The following MYO3B variants were observed in gnomAD, a reference collection of about 807,000 sequenced individuals.
The protein encoded by MYO3B is myosin IIIB, also known as myosin-IIIb.
In MYO3B, 156 loss-of-function variants were observed where a neutral mutation model predicts 174.6. That is an observed-to-expected ratio of 0.89 (90% CI 0.78 to 1.02). The LOEUF (loss-of-function observed/expected upper bound fraction) is 1.02. MYO3B is among the 50% of genes least tolerant of loss of function. MYO3B has a pLI of 0.00. For missense variants in MYO3B, 1,632 were observed against 1,639.4 expected, an observed-to-expected ratio of 1.00 and a Z score of 0.08; for synonymous variants, 563 against 569.1, an observed-to-expected ratio of 0.99 and a Z score of 0.15.
chr2:170,531,367 T>A (rs1689343093), intron 30 of MYO3B, among the ~76,000 whole-genome samples: 1 of 152,218 alleles, frequency 6.6e-6, no homozygotes, highest in Non-Finnish European at 1.5e-5. Flanking sequence ...GATTGTCTTG[T>A]GGTTGACAAC....
In MYO3B at chr2:170,392,483, G is replaced by C. The variant is rs754130952; in HGVS notation, c.1779G>C (p.Gly593=). 1.3e-5 allele frequency: 21 copies of C among 1,556,248 alleles called. No individual in the cohort carries two copies. The African/African-American group carries it at 2.7e-4, about 20-fold the overall frequency. The part of the protein sequence containing the change: ...EAIQHCFRII[G]FTDKEVHSVY... ...TTCAGCATTGCTTCAGGATTATAGG[G>C]TTCACGGACAAAGTAAGTGATGATC... Residue 593 remains glycine (G), a synonymous_variant, in exon 16 of 35, where the codon GGG becomes GGC. Transcript: ENST00000408978.
In MYO3B at chr2:170,592,022, A is replaced by T. The variant is rs1321177387; in HGVS notation, c.3733+48034A>T. ...CATTATCTTATTCAATTCCCACAAT[A>T]ATTCTGTTGAAGTTGATTTTTTAAT... is the stretch of plus-strand genomic sequence containing the variant. On this transcript the variant is annotated intron_variant, in intron 32 of 34. Coordinates refer to ENST00000408978, the MANE Select transcript of MYO3B (RefSeq NM_138995.5). Among the ~76,000 whole-genome samples, 7 of 152,198 alleles carry T rather than the reference A, an allele frequency of 4.6e-5. No homozygotes were observed. The South Asian group carries it at 1.4e-3, about 31-fold the overall frequency.
chr2:170,317,778 G>A (rs1316408579), intron 7 of MYO3B, among the ~76,000 whole-genome samples: 5 of 152,148 alleles, frequency 3.3e-5, no homozygotes, highest in African/African-American at 9.7e-5. Flanking sequence ...TAAAAAGGAG[G>A]TTCCATGATC....
chr2:170,400,359 G>A, intron 17 of MYO3B, 45 bp downstream of exon 17: 5 of 1,598,834 alleles, frequency 3.1e-6, no homozygotes, highest in Non-Finnish European at 4.3e-6. Flanking sequence ...CAAAGCACGT[G>A]CTTCTTTAGG....
intron 32 of MYO3B, among the ~76,000 whole-genome samples, chr2:170,568,837 GCT>G: frequency 6.6e-6 from 1 of 152,286 alleles, no homozygotes; most frequent in East Asian, 1.9e-4. Flanking sequence ...TGATACTAGG[GCT>G]GACAAAGTCA....
intron 8 of MYO3B, among the ~76,000 whole-genome samples, chr2:170,342,780 C>G (rs2093985979): frequency 6.6e-6 from 1 of 151,932 alleles, no homozygotes; most frequent in African/African-American, 2.4e-5. Flanking sequence ...CCAAGAGTCC[C>G]AAGACCACAG....
intron 32 of MYO3B, chr2:170,648,057 C>T (rs1051769522): frequency 2.6e-5 from 4 of 152,204 alleles, no homozygotes; most frequent in African/African-American, 9.7e-5. Context: ...GGACACTTCT[C>T]TTCATTGATC....
At chr2:170,613,558 G>T (rs1456779628) in intron 32 of MYO3B, among the ~76,000 whole-genome samples, 1 of 152,198 alleles carries the variant, frequency 6.6e-6, no homozygotes, top group Non-Finnish European at 1.5e-5. Context: ...CCAAGTCCGA[G>T]TCCTGTGATG....
chr2:170,201,496 A>T (rs1348574513), intron 3 of MYO3B, among the ~76,000 whole-genome samples: 2 of 152,226 alleles, frequency 1.3e-5, no homozygotes, highest in African/African-American at 4.8e-5. Context: ...GACAATAAGT[A>T]CTGGCTGCCA....
intron 1 of MYO3B, among the ~76,000 whole-genome samples, chr2:170,180,775 C>T (rs553965511): frequency 3.9e-5 from 6 of 152,160 alleles, no homozygotes; most frequent in African/African-American, 9.6e-5. Flanking sequence ...TAAGGATATA[C>T]ACATACATAG....
intron 22 of MYO3B, among the ~76,000 whole-genome samples, chr2:170,418,519 C>T (rs539435651): frequency 2.0e-5 from 3 of 152,216 alleles, no homozygotes; most frequent in African/African-American, 7.2e-5. Flanking sequence ...TTCATAAAAG[C>T]TCTAGCACCT....
chr2:170,338,647 G>C (rs761184877), intron 8 of MYO3B, among the ~76,000 whole-genome samples: 3 of 152,076 alleles, frequency 2.0e-5, no homozygotes, highest in Non-Finnish European at 4.4e-5. Flanking sequence ...GTGTTGCCCA[G>C]GCTGGAGTAC....
intron 32 of MYO3B, among the ~76,000 whole-genome samples, chr2:170,584,244 G>A (rs1045415509): frequency 6.6e-6 from 1 of 152,168 alleles, no homozygotes; most frequent in Non-Finnish European, 1.5e-5. Context: ...CTTGGAAAAA[G>A]TTATGAAATT....
rs533542211 is a variant in MYO3B, at chr2:170,438,914, G to A, written c.2651-5053G>A. ...CCCAAAGTGCTGGGATTACAGGTGT[G>A]AGCCACCGTGCCCGGCCAAGGATGA... is the stretch of plus-strand genomic sequence containing the variant. On this transcript the variant is annotated intron_variant, in intron 22 of 34. Transcript: ENST00000408978. Among the ~76,000 whole-genome samples, 85 of 152,040 alleles carry A rather than the reference G, an allele frequency of 5.6e-4. 1 individual carries two copies. The highest frequency in any genetic ancestry group is 5.7e-4 in the Non-Finnish European group (39 of 67,988).
chr2:170,228,864 A>G (rs1002981939), intron 6 of MYO3B, among the ~76,000 whole-genome samples: 1 of 150,486 alleles, frequency 6.6e-6, no homozygotes, highest in Non-Finnish European at 1.5e-5. Flanking sequence ...AGTGTACAAA[A>G]TGTGGATTTA....
intron 32 of MYO3B, among the ~76,000 whole-genome samples, chr2:170,548,182 C>T (rs576190411): frequency 2.2e-4 from 33 of 147,718 alleles, no homozygotes; most frequent in African/African-American, 8.3e-4. Flanking sequence ...GCCAGTTCAC[C>T]ATGTAAATAT....
intron 7 of MYO3B, among the ~76,000 whole-genome samples, chr2:170,254,336 G>A (rs751824627): frequency 6.6e-5 from 10 of 152,108 alleles, no homozygotes; most frequent in Non-Finnish European, 1.0e-4. Context: ...CACCGTAGAC[G>A]CCCACCCGCA....
chr2:170,609,003 AAG>A (rs1160635441), intron 32 of MYO3B, among the ~76,000 whole-genome samples: 1 of 152,218 alleles, frequency 6.6e-6, no homozygotes, highest in Non-Finnish European at 1.5e-5. Context: ...AACATGTTTT[AAG>A]ACATTGCTTA....
At position 170,653,319 on chromosome 2, in the gene MYO3B, C is replaced by T. The variant is rs2105515588; in HGVS notation, c.*198C>T. The T allele has an allele frequency of 3.3e-6, 2 of 614,244 alleles. No individual in the cohort carries two copies. Among genetic ancestry groups the T allele is most frequent in the Admixed American group, 3.0e-5 (1 of 33,804 alleles). 38.0% of individuals were successfully genotyped at this position (614,244 alleles called of 1,614,324 possible). On this transcript the variant is annotated 3_prime_UTR_variant, in exon 35 of 35. Transcript: ENST00000408978. ...CACTCTCCCACATGTGTTGTGCAGCCTGAGCTGGGCGCTGCCTTCCTTTCT... is the reference window on the plus strand; with the variant it reads ...CACTCTCCCACATGTGTTGTGCAGCTTGAGCTGGGCGCTGCCTTCCTTTCT...
Sources: allele counts gnomAD v4.1 joint callset (sites outside exome capture counted in the v4.1 genomes callset), GRCh38; gene constraint gnomAD v4.1.1; transcripts MANE v1.5; gene names NCBI Gene and HGNC (gene_info 2026-07-23, HGNC 2026-07-21).